Variants in FBLN7 observed in about 807,000 individuals in gnomAD.
FBLN7 encodes fibulin-7.
Under a neutral mutation model 44.0 loss-of-function variants are expected in FBLN7, and 31 were observed. That is an observed-to-expected ratio of 0.70 (90% CI 0.53 to 0.95). FBLN7 has a LOEUF of 0.95. Ranked by LOEUF, FBLN7 falls within the 40% of genes least tolerant of loss-of-function variation. FBLN7 has a pLI of 0.00. For missense variants in FBLN7, 573 were observed against 618.5 expected, an observed-to-expected ratio of 0.93 and a Z score of 0.78; for synonymous variants, 262 against 253.4, an observed-to-expected ratio of 1.03 and a Z score of -0.32.
the FBLN7 span, among the ~76,000 whole-genome samples, chr2:112,222,921 G>C: frequency 7.2e-5 from 11 of 152,324 alleles, no homozygotes; most frequent in African/African-American, 2.6e-4. Context: ...AAATGGTTAA[G>C]ATGGTAAATA....
chr2:112,233,958 G>T, the FBLN7 span, among the ~76,000 whole-genome samples: 1 of 152,072 alleles, frequency 6.6e-6, no homozygotes, highest in Non-Finnish European at 1.5e-5. Context: ...TTACAGGCCT[G>T]GCTACTTTTT....
chr2:112,241,801 C>G, the FBLN7 span, among the ~76,000 whole-genome samples: 2 of 152,116 alleles, frequency 1.3e-5, no homozygotes, highest in African/African-American at 4.8e-5. Flanking sequence ...TAATAAAGAA[C>G]ATATTACTCT....
chr2:112,180,137 A>G (rs1017515661), intron 4 of FBLN7, among the ~76,000 whole-genome samples: 1 of 152,198 alleles, frequency 6.6e-6, no homozygotes, highest in Admixed American at 6.5e-5. Flanking sequence ...TTAAATTTAC[A>G]AGAGAAAAAC....
At chr2:112,217,706 G>C in the FBLN7 span, among the ~76,000 whole-genome samples, 1 of 152,294 alleles carries the variant, frequency 6.6e-6, no homozygotes, top group South Asian at 2.1e-4. Flanking sequence ...CAAGCTCACA[G>C]GGACAGATCA....
chr2:112,152,265 A>G (rs1006670130), intron 1 of FBLN7: 3 of 152,298 alleles, frequency 2.0e-5, no homozygotes, highest in Non-Finnish European at 4.4e-5. Flanking sequence ...GGGTGTTGTA[A>G]TGGTGCCACG....
At chr2:112,168,644 C>T (rs1464190625) in intron 3 of FBLN7, among the ~76,000 whole-genome samples, 1 of 152,160 alleles carries the variant, frequency 6.6e-6, no homozygotes, top group Admixed American at 6.5e-5. Flanking sequence ...CCAATTGTGA[C>T]AGTATTAAGG....
chr2:112,217,903 T>C, the FBLN7 span, among the ~76,000 whole-genome samples: 3 of 152,162 alleles, frequency 2.0e-5, no homozygotes, highest in East Asian at 5.8e-4. Flanking sequence ...TTTGTGTTTG[T>C]ATGTGTGTCT....
At chr2:112,158,719 A>G (rs7570924) in intron 1 of FBLN7, among the ~76,000 whole-genome samples, 125,075 of 152,066 alleles carry the variant, frequency 0.82, 52,221 homozygotes, top group East Asian at 0.99. Context: ...GATTACAGGC[A>G]TGAACCACCG....
rs753327780 is a variant in FBLN7, at chr2:112,182,888, C to G, written c.768C>G (p.Pro256=). The change falls in exon 6 of 8, where the codon CCC becomes CCG. Residue 256 remains proline, a synonymous_variant. Transcript: ENST00000331203. ...CGGGCTCTTACCGTTGCACCTGCCC[C>G]GGTGGATACCGAACTCTGGCTGACG... ...NTPGSYRCTC[P]GGYRTLADGK... is the part of the protein sequence containing the mutation. 1.2e-6 allele frequency: 2 copies of G among 1,612,970 alleles called. No homozygotes were observed. The highest frequency in any genetic ancestry group is 1.7e-6 in the Non-Finnish European group (2 of 1,179,846).
intron 3 of FBLN7, among the ~76,000 whole-genome samples, chr2:112,174,391 T>A (rs894030055): frequency 6.6e-6 from 1 of 152,138 alleles, no homozygotes; most frequent in Non-Finnish European, 1.5e-5. Flanking sequence ...TAGAAACTGT[T>A]TAAGAGTCTA....
rs146083639 is a variant in FBLN7 at position 112,165,022 on chromosome 2, C to T, written c.257C>T (p.Thr86Ile). ...ALPVSCPALN[T>I]PADGRKFGSK... is the part of the protein sequence containing the mutation. ...ACAGTTTCCTGCCCGGCTCTGAACA[C>T]CCCCGCAGACGGCAGAAAGTTTGGA... The change falls in exon 3 of 8, where the codon ACC (threonine) becomes ATC (isoleucine). Residue 86 changes from threonine (T) to isoleucine (I), a missense_variant. Transcript: ENST00000331203. 1.9e-6 allele frequency: 3 copies of T among 1,614,018 alleles called. No homozygotes were observed. The highest frequency in any genetic ancestry group is 1.3e-5 in the African/African-American group (1 of 74,928).
intron 7 of FBLN7, among the ~76,000 whole-genome samples, chr2:112,186,118 C>T (rs1683254554): frequency 6.6e-6 from 1 of 152,156 alleles, no homozygotes; most frequent in Admixed American, 6.5e-5. Flanking sequence ...ACATCAGAAC[C>T]TTCCTCATGA....
chr2:112,148,851 T>C (rs954002157), intron 1 of FBLN7, among the ~76,000 whole-genome samples: 3 of 152,212 alleles, frequency 2.0e-5, no homozygotes, highest in Non-Finnish European at 4.4e-5. Flanking sequence ...AACTGGAGCA[T>C]GACTTCCACT....
chr2:112,154,897 G>A (rs565983756), intron 1 of FBLN7, among the ~76,000 whole-genome samples: 241 of 152,262 alleles, frequency 1.6e-3, no homozygotes, highest in Non-Finnish European at 2.7e-3. Flanking sequence ...TGCTCTGCTC[G>A]TTAACATGAA....
chr2:112,236,564 C>T, the FBLN7 span: 3 of 1,612,996 alleles, frequency 1.9e-6, no homozygotes, highest in African/African-American at 4.0e-5. Context: ...TCCAATACCT[C>T]TTCCTGTGAG....
intron 1 of FBLN7, among the ~76,000 whole-genome samples, chr2:112,146,732 A>G (rs1364375453): frequency 1.3e-5 from 2 of 152,234 alleles, no homozygotes; most frequent in East Asian, 1.9e-4. Flanking sequence ...TTTTACATGG[A>G]CAATCATGTC....
intron 3 of FBLN7, among the ~76,000 whole-genome samples, chr2:112,171,708 T>C (rs1193085574): frequency 6.6e-6 from 1 of 152,208 alleles, no homozygotes; most frequent in Non-Finnish European, 1.5e-5. Context: ...GTATAGATAT[T>C]AACGTGAGCA....
rs745785029 is a variant in FBLN7, at chr2:112,187,584, C to A, written c.*78C>A. The A allele has an allele frequency of 6.1e-5, 94 of 1,550,894 alleles. No individual in the cohort carries two copies. The highest frequency in any genetic ancestry group is 2.1e-5 in the Non-Finnish European group (24 of 1,143,910). On this transcript the variant is annotated 3_prime_UTR_variant, in exon 8 of 8. Transcript: ENST00000331203. The surrounding 1 kb of genome is among the most constrained non-coding windows in gnomAD (Gnocchi z 5.1). ...AAGGCTCAGCTTCGGGCACCGACTGCGTGGAGCCTCCCGCCTGTTCCCGCC... is the reference window on the plus strand; with the variant it reads ...AAGGCTCAGCTTCGGGCACCGACTGAGTGGAGCCTCCCGCCTGTTCCCGCC...
intron 6 of FBLN7, 51 bp downstream of exon 6, chr2:112,182,979 T>G: frequency 6.2e-7 from 1 of 1,600,290 alleles, no homozygotes; most frequent in Non-Finnish European, 8.5e-7. Flanking sequence ...GCTGCTGTGC[T>G]GAACCCCCAG....
Sources: allele counts gnomAD v4.1 joint callset (sites outside exome capture counted in the v4.1 genomes callset), GRCh38; gene constraint gnomAD v4.1.1; non-coding constraint Gnocchi (gnomAD v3.1); transcripts MANE v1.5; gene names NCBI Gene and HGNC (gene_info 2026-07-23, HGNC 2026-07-21).